Variants in KIRREL3 observed in about 807,000 individuals in gnomAD.
The protein encoded by KIRREL3 is kirre like nephrin family adhesion molecule 3, also known as kin of IRRE-like protein 3.
In KIRREL3, 36 loss-of-function variants were observed where a neutral mutation model predicts 89.7. The observed-to-expected ratio is 0.40, with a 90% CI of 0.31 to 0.53. The LOEUF (loss-of-function observed/expected upper bound fraction) is 0.53. Among genes scored for constraint, KIRREL3 ranks in the 20% least tolerant of loss-of-function variants. The pLI is 0.49. For synonymous variants in KIRREL3, 445 were observed against 441.4 expected, an observed-to-expected ratio of 1.01 and a Z score of -0.10; for missense variants, 864 against 1,056.6, an observed-to-expected ratio of 0.82 and a Z score of 2.53.
rs1423114200 is a variant in KIRREL3 at position 126,459,597 on chromosome 11, T to A, written c.743-3143A>T. ...ATCCAACTATTAAACATGATTTTAA[T>A]CTCACTTGTGATGTCGGCAGCATAA... On this transcript the variant is annotated intron_variant, in intron 6 of 16. Coordinates refer to ENST00000525144, the MANE Select transcript of KIRREL3 (RefSeq NM_032531.4). This position sits in a 1 kb window ranked among gnomAD's most constrained non-coding sequence, Gnocchi z 4.8. Among the ~76,000 whole-genome samples, 1 of 152,210 alleles carries A rather than the reference T, an allele frequency of 6.6e-6. No homozygotes were observed. The highest frequency in any genetic ancestry group is 1.5e-5 in the Non-Finnish European group (1 of 68,038).
In KIRREL3 at chr11:126,989,032, GA is replaced by G. The variant is rs1386257641; in HGVS notation, c.55+11422del. On this transcript the variant is annotated intron_variant, in intron 1 of 16. Coordinates refer to ENST00000525144, the MANE Select transcript of KIRREL3 (RefSeq NM_032531.4). This position sits in a 1 kb window ranked among gnomAD's most constrained non-coding sequence, Gnocchi z 6.2. ...AAGTGGCCAAATCAAGGGGTCGGGGGACAGCAGGGCCAAGGTCAAACACCTC... is the reference window on the plus strand; with the variant it reads ...AAGTGGCCAAATCAAGGGGTCGGGGGCAGCAGGGCCAAGGTCAAACACCTC... Among the ~76,000 whole-genome samples, 1 of 152,116 alleles carries G rather than the reference GA, an allele frequency of 6.6e-6. No individual in the cohort carries two copies. The highest frequency in any genetic ancestry group is 1.5e-5 in the Non-Finnish European group (1 of 68,012).
At chr11:126,770,877 C>T (rs1268463384) in intron 1 of KIRREL3, among the ~76,000 whole-genome samples, 1 of 152,168 alleles carries the variant, frequency 6.6e-6, no homozygotes, top group East Asian at 1.9e-4. Context: ...ACTCTGTCAC[C>T]CAGGCTGGAG....
chr11:126,547,341 A>G (rs1489561236), intron 2 of KIRREL3, among the ~76,000 whole-genome samples: 1 of 152,218 alleles, frequency 6.6e-6, no homozygotes, highest in Non-Finnish European at 1.5e-5. Flanking sequence ...GTTCTGCAGG[A>G]AAGACTCTCA....
rs997604238 is a variant in KIRREL3, at chr11:126,615,950, C to T, written c.56-53038G>A. 1.3e-5 allele frequency among the ~76,000 whole-genome samples: 2 copies of T among 151,926 alleles called. No individual in the cohort carries two copies. The highest frequency in any genetic ancestry group is 2.9e-5 in the Non-Finnish European group (2 of 67,978). ...GACAGGACAGGATGGAGGGAGGAGCCCTGGGTGTGTGTGTGTGGGGTGCGT... is the reference window on the plus strand; with the variant it reads ...GACAGGACAGGATGGAGGGAGGAGCTCTGGGTGTGTGTGTGTGGGGTGCGT... On this transcript the variant is annotated intron_variant, in intron 1 of 16. Transcript: ENST00000525144. The surrounding 1 kb of genome is among the most constrained non-coding windows in gnomAD (Gnocchi z 5.4).
intron 4 of KIRREL3, among the ~76,000 whole-genome samples, chr11:126,488,985 C>G (rs1046431394): frequency 6.6e-6 from 1 of 152,224 alleles, no homozygotes; most frequent in East Asian, 1.9e-4. Context: ...TCCGAGACTG[C>G]GCTTCCTTTC....
intron 1 of KIRREL3, among the ~76,000 whole-genome samples, chr11:126,603,810 G>A (rs2134758279): frequency 6.6e-6 from 1 of 152,340 alleles, no homozygotes; most frequent in South Asian, 2.1e-4. Flanking sequence ...GATGGGAAGG[G>A]ATGTATGGGA....
intron 1 of KIRREL3, among the ~76,000 whole-genome samples, chr11:126,942,112 G>A (rs912314783): frequency 6.6e-6 from 1 of 152,146 alleles, no homozygotes; most frequent in Non-Finnish European, 1.5e-5. Context: ...TACCTTCCCA[G>A]CTCAAGTCTT....
chr11:126,847,318 A>T (rs1944182059), intron 1 of KIRREL3, among the ~76,000 whole-genome samples: 1 of 151,718 alleles, frequency 6.6e-6, no homozygotes. Flanking sequence ...AATAATAAGA[A>T]TTGTTACATA....
intron 1 of KIRREL3, among the ~76,000 whole-genome samples, chr11:126,973,678 C>G (rs926700721): frequency 6.6e-6 from 1 of 152,136 alleles, no homozygotes; most frequent in African/African-American, 2.4e-5. Context: ...AACTCAATAG[C>G]ATTTTTATTT....
Position 126,475,568 on chromosome 11 carries a change from C to T in KIRREL3, c.434-2102G>A, listed in dbSNP as rs1957040858. 6.6e-6 allele frequency among the ~76,000 whole-genome samples: 1 copy of T among 152,146 alleles called. No homozygotes were observed. On this transcript the variant is annotated intron_variant, in intron 4 of 16. Transcript: ENST00000525144. The surrounding 1 kb of genome is among the most constrained non-coding windows in gnomAD (Gnocchi z 7.5). ...CCCCAGGGGCAGCGAGCCCCGGACT[C>T]CACCGAGATCCTGGCTCAGGAACAG...
intron 4 of KIRREL3, among the ~76,000 whole-genome samples, chr11:126,482,108 G>A (rs1957234612): frequency 6.6e-6 from 1 of 152,080 alleles, no homozygotes; most frequent in Non-Finnish European, 1.5e-5. Context: ...GCATGATCTC[G>A]GCTCACTGCA....
intron 1 of KIRREL3, among the ~76,000 whole-genome samples, chr11:126,765,381 CG>C (rs1949790712): frequency 6.6e-6 from 1 of 152,110 alleles, no homozygotes; most frequent in Non-Finnish European, 1.5e-5. Flanking sequence ...GGTGTGTGTG[CG>C]GGGAGAAATC....
rs867941893 is a variant in KIRREL3 at position 126,614,632 on chromosome 11, C to T, written c.56-51720G>A. On this transcript the variant is annotated intron_variant, in intron 1 of 16. Transcript: ENST00000525144. The surrounding 1 kb of genome is among the most constrained non-coding windows in gnomAD (Gnocchi z 4.6). ...GGTGCAGGTGATCTCAGATGTCCCT[C>T]CAGATTTCTGGTTCCTCAGTGTTAT... Among the ~76,000 whole-genome samples the T allele has an allele frequency of 4.6e-4, 70 of 152,154 alleles. 2 individuals carry two copies. The highest frequency in any genetic ancestry group is 3.2e-3 in the Middle Eastern group (1 of 316).
intron 1 of KIRREL3, among the ~76,000 whole-genome samples, chr11:126,598,010 G>A (rs1265614452): frequency 6.6e-6 from 1 of 152,208 alleles, no homozygotes; most frequent in African/African-American, 2.4e-5. Flanking sequence ...GAGACTTGAG[G>A]TAATTTGAGC....
At chr11:126,618,286 T>C (rs930493886) in intron 1 of KIRREL3, among the ~76,000 whole-genome samples, 1 of 152,028 alleles carries the variant, frequency 6.6e-6, no homozygotes, top group Non-Finnish European at 1.5e-5. Flanking sequence ...ACCCACATGA[T>C]CCAAACCATA....
rs571693654 is a variant in KIRREL3 at position 126,764,217 on chromosome 11, G to A, written c.56-201305C>T. On this transcript the variant is annotated intron_variant, in intron 1 of 16. Transcript: ENST00000525144. The surrounding 1 kb of genome is among the most constrained non-coding windows in gnomAD (Gnocchi z 4.2). Reference sequence around the variant, plus strand: ...AACATAACTCAGTTTTTCCTGGAAAGGCATCAGACAGCAGGTCGCTCTGGT... The same window carrying A: ...AACATAACTCAGTTTTTCCTGGAAAAGCATCAGACAGCAGGTCGCTCTGGT... Among the ~76,000 whole-genome samples, 8 of 152,288 alleles carry A rather than the reference G, an allele frequency of 5.3e-5. No homozygotes were observed. The South Asian group carries it at 1.7e-3, about 32-fold the overall frequency.
In KIRREL3 at chr11:126,426,491, AG is replaced by A. The variant is rs539108116; in HGVS notation, c.1807-768del. On this transcript the variant is annotated intron_variant, in intron 15 of 16. Transcript: ENST00000525144. Reference sequence around the variant, plus strand: ...CCTAGCACAGTGCCTGATATACAATAGAGCTGCTTCAAATGGTATGTATATG... The same window carrying A: ...CCTAGCACAGTGCCTGATATACAATAAGCTGCTTCAAATGGTATGTATATG... 5.9e-3 allele frequency among the ~76,000 whole-genome samples: 906 copies of A among 152,328 alleles called. 11 individuals are homozygous for A. The highest frequency in any genetic ancestry group is 6.4e-3 in the Non-Finnish European group (436 of 68,032).
At chr11:126,966,495 C>T (rs1250575782) in intron 1 of KIRREL3, among the ~76,000 whole-genome samples, 1 of 152,174 alleles carries the variant, frequency 6.6e-6, no homozygotes, top group African/African-American at 2.4e-5. Flanking sequence ...ATGGTATCCT[C>T]CTAAACTCTC....
intron 1 of KIRREL3, among the ~76,000 whole-genome samples, chr11:126,881,018 T>C (rs1945474571): frequency 6.6e-6 from 1 of 152,212 alleles, no homozygotes; most frequent in Admixed American, 6.5e-5. Flanking sequence ...TGTATGTTTG[T>C]GCTGAGAATG....
Sources: gnomAD v4.1 joint callset for allele counts (sites outside exome capture counted in the v4.1 genomes callset) on GRCh38, gnomAD v4.1.1 for gene constraint, Gnocchi (gnomAD v3.1) non-coding constraint, MANE v1.5 for transcripts, NCBI Gene and HGNC (gene_info 2026-07-23, HGNC 2026-07-21) for gene names.